The following ACCSL variants were observed in gnomAD, a reference collection of about 807,000 sequenced individuals.
The protein encoded by ACCSL is probable inactive 1-aminocyclopropane-1-carboxylate synthase-like protein 2.
Under a neutral mutation model 61.7 loss-of-function variants are expected in ACCSL, and 55 were observed. That is an observed-to-expected ratio of 0.89 (90% CI 0.72 to 1.12). The LOEUF (loss-of-function observed/expected upper bound fraction) is 1.12. Ranked by LOEUF, ACCSL falls within the 50% of genes most tolerant of loss-of-function variation. ACCSL has a pLI of 0.00. For missense variants in ACCSL, 632 were observed against 698.0 expected (o/e 0.91, Z 1.07); for synonymous variants, 258 against 264.3 (o/e 0.98, Z 0.23).
the ACCSL span, among the ~76,000 whole-genome samples, chr11:43,959,416 C>G: frequency 2.6e-5 from 4 of 152,248 alleles, no homozygotes; most frequent in African/African-American, 9.6e-5. Flanking sequence ...AAATTAACTT[C>G]TGCCTTCCTT....
intron 5 of ACCSL, among the ~76,000 whole-genome samples, chr11:44,052,382 G>A (rs997545394): frequency 2.0e-5 from 3 of 152,170 alleles, no homozygotes; most frequent in South Asian, 2.1e-4. Flanking sequence ...AGTGAGCCTC[G>A]CTTGACTTGT....
chr11:44,005,493 C>T, the ACCSL span, among the ~76,000 whole-genome samples: 4 of 152,034 alleles, frequency 2.6e-5, no homozygotes, highest in African/African-American at 9.7e-5. Context: ...CTCTGGGTGG[C>T]AAATCTCTCA....
the ACCSL span, among the ~76,000 whole-genome samples, chr11:43,954,875 G>A: frequency 7.2e-5 from 11 of 152,168 alleles, no homozygotes; most frequent in South Asian, 2.1e-4. Flanking sequence ...GTGAGCCACC[G>A]TGCCCGGCCC....
the ACCSL span, among the ~76,000 whole-genome samples, chr11:44,023,041 C>CTTTT: frequency 4.4e-3 from 380 of 86,392 alleles, 6 homozygotes; most frequent in African/African-American, 9.6e-3. Context: ...TCTTCTTCTT[C>CTTTT]TTTTTTTTTT....
the ACCSL span, among the ~76,000 whole-genome samples, chr11:44,000,434 AT>A: frequency 2.1e-3 from 245 of 114,468 alleles, 2 homozygotes; most frequent in African/African-American, 5.7e-3. Flanking sequence ...CCCTGTCTCT[AT>A]TTTAAAAAAA....
At chr11:43,952,987 C>A in the ACCSL span, among the ~76,000 whole-genome samples, 1 of 152,310 alleles carries the variant, frequency 6.6e-6, no homozygotes, top group South Asian at 2.1e-4. Context: ...TGTTGCTATG[C>A]ACAGTGACTG....
At chr11:43,967,945 C>T in the ACCSL span, among the ~76,000 whole-genome samples, 4 of 152,206 alleles carry the variant, frequency 2.6e-5, no homozygotes, top group Non-Finnish European at 2.9e-5. Context: ...CTACTCCATG[C>T]TCCTCAAATC....
the ACCSL span, among the ~76,000 whole-genome samples, chr11:43,977,456 A>G: frequency 1.3e-5 from 2 of 152,140 alleles, no homozygotes; most frequent in East Asian, 3.9e-4. Context: ...GGCTTTAAAG[A>G]TGGTGAGAGG....
chr11:44,006,581 C>T, the ACCSL span, among the ~76,000 whole-genome samples: 2 of 143,690 alleles, frequency 1.4e-5, no homozygotes, highest in African/African-American at 5.2e-5. Context: ...TCTCGGCTTA[C>T]TGCAGCCTCC....
the ACCSL span, among the ~76,000 whole-genome samples, chr11:44,031,858 C>G: frequency 6.6e-6 from 1 of 152,046 alleles, no homozygotes; most frequent in African/African-American, 2.4e-5. Flanking sequence ...GGTGGACAGT[C>G]GCGGGGGCTG....
the ACCSL span, chr11:43,945,365 ACTCC>A: frequency 6.6e-6 from 1 of 151,778 alleles, no homozygotes; most frequent in African/African-American, 2.4e-5. Flanking sequence ...CTCCAAAGAA[ACTCC>A]CTGAGGACAG....
At chr11:44,039,161 C>T in the ACCSL span, among the ~76,000 whole-genome samples, 1 of 152,124 alleles carries the variant, frequency 6.6e-6, no homozygotes, top group Non-Finnish European at 1.5e-5. Context: ...CAGTGCAGGA[C>T]AGGATGGGGG....
chr11:43,964,263 G>A, the ACCSL span, among the ~76,000 whole-genome samples: 1 of 151,858 alleles, frequency 6.6e-6, no homozygotes, highest in African/African-American at 2.4e-5. Context: ...CTAACACGGT[G>A]AAACCCCGTC....
At chr11:43,981,492 G>A in the ACCSL span, among the ~76,000 whole-genome samples, 2 of 152,220 alleles carry the variant, frequency 1.3e-5, no homozygotes, top group Non-Finnish European at 2.9e-5. Flanking sequence ...TAAAAAAAGG[G>A]TGGGGGATAT....
the ACCSL span, among the ~76,000 whole-genome samples, chr11:44,024,413 C>A: frequency 4.1e-3 from 611 of 147,332 alleles, 11 homozygotes; most frequent in Admixed American, 6.5e-3. Flanking sequence ...CCATGTATAT[C>A]TCTCTCTCTC....
the ACCSL span, among the ~76,000 whole-genome samples, chr11:44,007,095 A>T: frequency 6.6e-6 from 1 of 152,232 alleles, no homozygotes; most frequent in East Asian, 1.9e-4. Context: ...GCTTGGCGGG[A>T]CAATTTTGCC....
At chr11:43,942,702 G>GC in the ACCSL span, 5 of 162,458 alleles carry the variant, frequency 3.1e-5, no homozygotes, top group Non-Finnish European at 6.4e-5. Flanking sequence ...CGAGCCCCGT[G>GC]CCCCCCGACG....
At chr11:43,958,234 A>G in the ACCSL span, among the ~76,000 whole-genome samples, 16 of 152,238 alleles carry the variant, frequency 1.1e-4, no homozygotes, top group Non-Finnish European at 1.9e-4. Context: ...TCTTGAAGGT[A>G]ACATCACTAT....
upstream of ACCSL, among the ~76,000 whole-genome samples, chr11:44,046,596 G>C (rs1412696669): frequency 6.6e-6 from 1 of 152,194 alleles, no homozygotes. Flanking sequence ...GAAGAAGTTG[G>C]ACAGAGTGTT....
Sources: gnomAD v4.1 joint callset for allele counts (sites outside exome capture counted in the v4.1 genomes callset) on GRCh38, gnomAD v4.1.1 for gene constraint, MANE v1.5 for transcripts, NCBI Gene and HGNC (gene_info 2026-07-23, HGNC 2026-07-21) for gene names.